PPP6R3: variants seen among roughly 807,000 people sequenced by gnomAD.
PPP6R3 encodes protein phosphatase 6 regulatory subunit 3.
Under a neutral mutation model 110.7 loss-of-function variants are expected in PPP6R3, and 38 were observed. The ratio of observed to expected loss-of-function variants is 0.34; its 90% CI spans 0.26 to 0.45. The LOEUF (loss-of-function observed/expected upper bound fraction) is 0.45. PPP6R3 is among the 20% of genes least tolerant of loss of function. PPP6R3 has a pLI of 1.00. For synonymous variants in PPP6R3, 369 were observed against 373.5 expected, an observed-to-expected ratio of 0.99 and a Z score of 0.14; for missense variants, 870 against 1,062.4, an observed-to-expected ratio of 0.82 and a Z score of 2.52.
At chr11:68,481,507 T>C (rs2098912173) in intron 1 of PPP6R3, among the ~76,000 whole-genome samples, 1 of 152,234 alleles carries the variant, frequency 6.6e-6, no homozygotes, top group African/African-American at 2.4e-5. Context: ...TTGATAATCT[T>C]TCAGGGTTGT....
chr11:68,552,870 A>C (rs2099386391), intron 6 of PPP6R3, among the ~76,000 whole-genome samples: 1 of 152,230 alleles, frequency 6.6e-6, no homozygotes, highest in Non-Finnish European at 1.5e-5. Flanking sequence ...CCAATTCTGC[A>C]ACAAGTTTTT....
chr11:68,584,824 T>C (rs1038611561), intron 15 of PPP6R3, among the ~76,000 whole-genome samples: 1 of 152,222 alleles, frequency 6.6e-6, no homozygotes, highest in African/African-American at 2.4e-5. Context: ...TAATTACTCT[T>C]TTCTGATTGA....
chr11:68,520,788 C>G (rs1171876688), intron 2 of PPP6R3, among the ~76,000 whole-genome samples: 1 of 151,982 alleles, frequency 6.6e-6, no homozygotes, highest in Admixed American at 6.6e-5. Flanking sequence ...TGTTTGTTTT[C>G]TGAGATAGGG....
chr11:68,571,407 AG>A (rs1174400921), intron 12 of PPP6R3, among the ~76,000 whole-genome samples: 1 of 152,202 alleles, frequency 6.6e-6, no homozygotes, highest in Non-Finnish European at 1.5e-5. Context: ...ATAAGGTTAA[AG>A]TTAAGTCCTT....
chr11:68,478,353 T>G (rs2098852330), intron 1 of PPP6R3, among the ~76,000 whole-genome samples: 1 of 152,208 alleles, frequency 6.6e-6, no homozygotes, highest in Admixed American at 6.5e-5. Flanking sequence ...AGTTAAGAAT[T>G]TTAAACCTTC....
At chr11:68,557,224 T>G (rs2099402988) in intron 7 of PPP6R3, among the ~76,000 whole-genome samples, 1 of 152,242 alleles carries the variant, frequency 6.6e-6, no homozygotes, top group African/African-American at 2.4e-5. Context: ...TAGTACTCTT[T>G]TGGTGAGAGA....
At position 68,564,392 on chromosome 11, in the gene PPP6R3, G is replaced by A; in HGVS notation, c.935G>A (p.Arg312Lys). Reference sequence around the variant, plus strand: ...AGTGTTCTAGAAGCCATCAGAGGAAGACTTGGATCTTTTCATGAACTCCTG... The same window carrying A: ...AGTGTTCTAGAAGCCATCAGAGGAAAACTTGGATCTTTTCATGAACTCCTG... ...NKSVLEAIRG[R>K]LGSFHELLLE... The change falls in exon 9 of 24, where the codon AGA (arginine) becomes AAA (lysine). Residue 312 changes from arginine to lysine, a missense_variant. Transcript: ENST00000393800. 6.2e-7 allele frequency: 1 copy of A among 1,614,038 alleles called. No individual in the cohort carries two copies. Among genetic ancestry groups the A allele is most frequent in the Non-Finnish European group, 8.5e-7 (1 of 1,179,874 alleles).
intron 5 of PPP6R3, among the ~76,000 whole-genome samples, chr11:68,549,138 G>A (rs1264699379): frequency 1.3e-5 from 2 of 152,180 alleles, no homozygotes; most frequent in African/African-American, 2.4e-5. Context: ...TGATCCGCCC[G>A]CCTGGGCCTC....
Position 68,590,674 on chromosome 11 carries a change from G to T in PPP6R3, c.1745G>T (p.Arg582Leu). 1 of 1,588,802 alleles carries T rather than the reference G, an allele frequency of 6.3e-7. No individual in the cohort carries two copies. The change falls in exon 17 of 24, where the codon CGA (arginine) becomes CTA (leucine). Residue 582 changes from arginine to leucine, a missense_variant. Transcript: ENST00000393800. ...TTTTTTTACAGTGTTTCTTTTGATCGAGTATCAGACATCAACTTTACTCTC... is the reference window on the plus strand; with the variant it reads ...TTTTTTTACAGTGTTTCTTTTGATCTAGTATCAGACATCAACTTTACTCTC... ...QDDIGNVSFD[R>L]VSDINFTLNT...
rs2099633132 is a variant in PPP6R3 at position 68,601,957 on chromosome 11, G to T, written c.2287G>T (p.Val763Leu). The T allele has an allele frequency of 1.9e-6, 3 of 1,612,562 alleles. No individual in the cohort carries two copies. Among genetic ancestry groups the T allele is most frequent in the Non-Finnish European group, 2.5e-6 (3 of 1,179,324 alleles). ...PLTPSAAALA[V>L]QPEAAGSVAM... ...GACTCCCAGTGCGGCTGCCCTGGCA[G>T]TGCAGCCAGAAGGTGCGTGCAGAGA... The change falls in exon 21 of 24, where the codon GTG becomes TTG. Residue 763 changes from valine to leucine, a missense_variant. Coordinates refer to ENST00000393800, the MANE Select transcript of PPP6R3 (RefSeq NM_001164161.2).
intron 5 of PPP6R3, among the ~76,000 whole-genome samples, chr11:68,550,335 C>G (rs183050413): frequency 1.3e-5 from 2 of 152,090 alleles, no homozygotes; most frequent in Non-Finnish European, 2.9e-5. Context: ...GATTTCTGCC[C>G]CCGCTGCCCG....
At chr11:68,553,954 A>G (rs1354449047) in intron 6 of PPP6R3, among the ~76,000 whole-genome samples, 191 bp from the exon 7 acceptor site, 1 of 152,166 alleles carries the variant, frequency 6.6e-6, no homozygotes. Context: ...ACTGTGCACT[A>G]TTATAAAGCT....
At chr11:68,477,527 C>T (rs1013781337) in intron 1 of PPP6R3, among the ~76,000 whole-genome samples, 1 of 151,462 alleles carries the variant, frequency 6.6e-6, no homozygotes, top group Non-Finnish European at 1.5e-5. Context: ...GAGTTTGAGA[C>T]CAGCCTGTGC....
chr11:68,595,742 T>A (rs1302633173), intron 18 of PPP6R3, among the ~76,000 whole-genome samples: 1 of 152,200 alleles, frequency 6.6e-6, no homozygotes, highest in Non-Finnish European at 1.5e-5. Flanking sequence ...AGTTAAGATA[T>A]AAGATGGCAA....
At chr11:68,601,533 C>T (rs2099631888) in intron 20 of PPP6R3, among the ~76,000 whole-genome samples, 1 of 152,148 alleles carries the variant, frequency 6.6e-6, no homozygotes, top group African/African-American at 2.4e-5. Context: ...GCACAATGTA[C>T]GTCTTTGCTG....
In PPP6R3 at chr11:68,524,844, C is replaced by CTGAG. The variant is rs1195852208; in HGVS notation, c.-7+5194_-7+5197dup. ...CCATCAGAGCCCCTGGCCACAAGAG[C>CTGAG]TGAGCTTGTCCAGAGCTCTTCAGGC... is the stretch of plus-strand genomic sequence containing the variant. On this transcript the variant is annotated intron_variant, in intron 2 of 23. Coordinates refer to ENST00000393800, the MANE Select transcript of PPP6R3 (RefSeq NM_001164161.2). Among the ~76,000 whole-genome samples the CTGAG allele has an allele frequency of 3.9e-5, 6 of 152,244 alleles. No homozygotes were observed. In the East Asian group the frequency reaches 1.2e-3, roughly 29 times the overall value.
chr11:68,493,637 A>AT (rs1555050111), intron 1 of PPP6R3, among the ~76,000 whole-genome samples: 22 of 137,280 alleles, frequency 1.6e-4, no homozygotes, highest in East Asian at 4.1e-4. Context: ...ATATATATAT[A>AT]AAATATATAT....
At chr11:68,477,741 A>AAAAAAAAATAT in intron 1 of PPP6R3, among the ~76,000 whole-genome samples, 23 of 57,892 alleles carry the variant, frequency 4.0e-4, no homozygotes, top group Non-Finnish European at 7.3e-4. Flanking sequence ...AAAAAAAAAA[A>AAAAAAAAATAT]ATATATATAT....
At chr11:68,592,780 C>G (rs2099599499) in intron 18 of PPP6R3, among the ~76,000 whole-genome samples, 1 of 152,220 alleles carries the variant, frequency 6.6e-6, no homozygotes, top group Admixed American at 6.5e-5. Context: ...GATAAAGTCA[C>G]ACTCAGACTT....
Sources: allele counts gnomAD v4.1 joint callset (sites outside exome capture counted in the v4.1 genomes callset), GRCh38; gene constraint gnomAD v4.1.1; transcripts MANE v1.5; gene names NCBI Gene and HGNC (gene_info 2026-07-23, HGNC 2026-07-21).